DLGAP1: variants seen among roughly 807,000 people sequenced by gnomAD.
The protein encoded by DLGAP1 is DLG associated protein 1.
Under a neutral mutation model 90.8 loss-of-function variants are expected in DLGAP1, and 11 were observed. The ratio of observed to expected loss-of-function variants is 0.12; its 90% CI spans 0.08 to 0.20. DLGAP1 has a LOEUF of 0.20. DLGAP1 is among the 10% of genes least tolerant of loss of function. The pLI is 1.00. For synonymous variants in DLGAP1, 558 were observed against 540.7 expected (o/e 1.03, Z -0.44); for missense variants, 1,050 against 1,333.8 (o/e 0.79, Z 3.31).
chr18:3,784,290 T>G (rs2065342181), intron 5 of DLGAP1, among the ~76,000 whole-genome samples: 1 of 152,056 alleles, frequency 6.6e-6, no homozygotes, highest in African/African-American at 2.4e-5. Context: ...CTCGGCTGCT[T>G]CTTTCTTGGA....
intron 4 of DLGAP1, among the ~76,000 whole-genome samples, chr18:3,867,245 T>C (rs2070454390): frequency 6.6e-6 from 1 of 152,140 alleles, no homozygotes; most frequent in Admixed American, 6.5e-5. Flanking sequence ...TGAGTGCCAC[T>C]GCTTTTCCCC....
In DLGAP1 at chr18:3,751,499, T is replaced by C. The variant is rs370229500; in HGVS notation, c.1173-8987A>G. Reference sequence around the variant, plus strand: ...TTTTTGTAGAGATGGGGTATTGTTATGTTGCCCTGGCTGGTCTTGAACTCC... The same window carrying C: ...TTTTTGTAGAGATGGGGTATTGTTACGTTGCCCTGGCTGGTCTTGAACTCC... On this transcript the variant is annotated intron_variant, in intron 5 of 12. Transcript: ENST00000315677. Among the ~76,000 whole-genome samples the C allele has an allele frequency of 7.2e-5, 11 of 151,906 alleles. No individual in the cohort carries two copies. The East Asian group carries it at 1.6e-3, about 22-fold the overall frequency.
At chr18:4,179,548 C>A (rs960930457) in intron 1 of DLGAP1, among the ~76,000 whole-genome samples, 5 of 152,142 alleles carry the variant, frequency 3.3e-5, no homozygotes, top group Admixed American at 1.3e-4. Context: ...GACATACTAT[C>A]ATCATTCTAT....
chr18:3,820,189 G>C (rs1467314485), intron 4 of DLGAP1, among the ~76,000 whole-genome samples: 1 of 152,166 alleles, frequency 6.6e-6, no homozygotes, highest in Non-Finnish European at 1.5e-5. Context: ...ATGAGAATGC[G>C]TGAGATTTTG....
chr18:3,719,935 G>T (rs2061913693), intron 7 of DLGAP1, among the ~76,000 whole-genome samples: 1 of 152,142 alleles, frequency 6.6e-6, no homozygotes, highest in African/African-American at 2.4e-5. Flanking sequence ...AATGGAATAA[G>T]AAAGTTAGGT....
intron 2 of DLGAP1, among the ~76,000 whole-genome samples, chr18:4,121,358 CT>C (rs1256233581): frequency 1.3e-5 from 2 of 152,106 alleles, no homozygotes; most frequent in Non-Finnish European, 2.9e-5. Flanking sequence ...GTTGGCCAGA[CT>C]TTATGTAGGC....
chr18:3,762,559 C>T (rs944018203), intron 5 of DLGAP1, among the ~76,000 whole-genome samples: 2 of 152,048 alleles, frequency 1.3e-5, no homozygotes, highest in African/African-American at 4.8e-5. Context: ...ATTCTGACTT[C>T]ACTTTAGGAA....
rs192459653 is a variant in DLGAP1 at position 4,346,868 on chromosome 18, T to G, written c.-267+108138A>C. Among the ~76,000 whole-genome samples, 8 of 151,948 alleles carry G rather than the reference T, an allele frequency of 5.3e-5. 1 individual carries two copies. The South Asian group carries it at 6.2e-4, about 12-fold the overall frequency. ...GAAATAATAAAGATTAAAGTAAAAA[T>G]TAATGCTCAGAGAATCAGAAAACAG... On this transcript the variant is annotated intron_variant, in intron 1 of 12. Transcript: ENST00000315677.
intron 7 of DLGAP1, among the ~76,000 whole-genome samples, chr18:3,587,045 ATTTG>A (rs1361646511): frequency 9.9e-5 from 15 of 152,214 alleles, no homozygotes; most frequent in African/African-American, 3.4e-4. Flanking sequence ...GAAACATCTG[ATTTG>A]TTTAAGAGTG....
intron 4 of DLGAP1, among the ~76,000 whole-genome samples, chr18:3,824,146 T>C (rs1168396992): frequency 6.6e-6 from 1 of 152,118 alleles, no homozygotes; most frequent in Non-Finnish European, 1.5e-5. Context: ...TCCATTATTG[T>C]TATAGTTACT....
intron 2 of DLGAP1, among the ~76,000 whole-genome samples, chr18:4,047,933 C>A (rs529928465): frequency 1.6e-4 from 24 of 152,230 alleles, no homozygotes; most frequent in African/African-American, 5.3e-4. Flanking sequence ...GTAGCTGGGG[C>A]CACAGGTGCA....
intron 7 of DLGAP1, among the ~76,000 whole-genome samples, chr18:3,658,188 G>C (rs918884696): frequency 6.6e-6 from 1 of 152,278 alleles, no homozygotes; most frequent in African/African-American, 2.4e-5. Context: ...CACCATACGG[G>C]TATGGTAGAA....
chr18:3,579,894 C>G (rs987054469), intron 8 of DLGAP1, among the ~76,000 whole-genome samples: 1 of 152,140 alleles, frequency 6.6e-6, no homozygotes, highest in Non-Finnish European at 1.5e-5. Flanking sequence ...TGGTCTTGCT[C>G]GCCTTCACTC....
At chr18:4,210,351 C>T (rs1415712988) in intron 1 of DLGAP1, among the ~76,000 whole-genome samples, 1 of 152,112 alleles carries the variant, frequency 6.6e-6, no homozygotes, top group Non-Finnish European at 1.5e-5. Flanking sequence ...ATATTAAGTT[C>T]TAAACAGAGA....
intron 3 of DLGAP1, among the ~76,000 whole-genome samples, chr18:3,944,189 C>G (rs1180212394): frequency 6.6e-6 from 1 of 152,106 alleles, no homozygotes; most frequent in African/African-American, 2.4e-5. Flanking sequence ...CAGTACTCCT[C>G]AAAATGAAAG....
chr18:3,756,040 A>G (rs776987868), intron 5 of DLGAP1, among the ~76,000 whole-genome samples: 6 of 152,130 alleles, frequency 3.9e-5, no homozygotes, highest in Non-Finnish European at 7.3e-5. Context: ...TAATTTAGAA[A>G]TTACACTAAA....
intron 5 of DLGAP1, among the ~76,000 whole-genome samples, chr18:3,801,253 T>C (rs2066274526): frequency 6.6e-6 from 1 of 152,166 alleles, no homozygotes; most frequent in Non-Finnish European, 1.5e-5. Context: ...ACATGGGATT[T>C]GGAGGGGACA....
At chr18:3,673,978 G>T (rs1014342942) in intron 7 of DLGAP1, among the ~76,000 whole-genome samples, 2 of 151,812 alleles carry the variant, frequency 1.3e-5, no homozygotes, top group East Asian at 3.9e-4. Flanking sequence ...GAGTAGCTGG[G>T]ATTACAGGCA....
chr18:3,550,706 T>A (rs1472525289), intron 9 of DLGAP1, among the ~76,000 whole-genome samples: 1 of 148,146 alleles, frequency 6.8e-6, no homozygotes, highest in Non-Finnish European at 1.5e-5. Context: ...AAATCAACAC[T>A]GCTGACATCT....
Sources: gnomAD v4.1 joint callset for allele counts (sites outside exome capture counted in the v4.1 genomes callset) on GRCh38, gnomAD v4.1.1 for gene constraint, MANE v1.5 for transcripts, NCBI Gene and HGNC (gene_info 2026-07-23, HGNC 2026-07-21) for gene names.